Variants in GRID2 observed in about 807,000 individuals in gnomAD.
GRID2 encodes the protein glutamate receptor ionotropic, delta-2.
GRID2 carries 33 observed loss-of-function variants against 114.8 expected under a neutral mutation model. The ratio of observed to expected loss-of-function variants is 0.29; its 90% confidence interval spans 0.22 to 0.38. The LOEUF is 0.38. GRID2 is among the 10% of genes least tolerant of loss of function. The probability of loss-of-function intolerance (pLI) is 1.00; values close to 1 mark genes in which losing one functional copy is unlikely to be tolerated. For missense variants in GRID2, 1,184 were observed against 1,257.7 expected, an observed-to-expected ratio of 0.94 and a Z score of 0.89; for synonymous variants, 505 against 449.9, an observed-to-expected ratio of 1.12 and a Z score of -1.55.
intron 11 of GRID2, among the ~76,000 whole-genome samples, chr4:93,457,159 G>C (rs1723285577): frequency 6.6e-6 from 1 of 152,102 alleles, no homozygotes; most frequent in Non-Finnish European, 1.5e-5. Context: ...TTACAATTGT[G>C]GGTAGAAAGT....
At chr4:93,251,349 T>G (rs1011044505) in intron 8 of GRID2, among the ~76,000 whole-genome samples, 1 of 152,244 alleles carries the variant, frequency 6.6e-6, no homozygotes, top group Admixed American at 6.5e-5. Context: ...TGCACAAAAA[T>G]TTTTGAAGCT....
intron 1 of GRID2, among the ~76,000 whole-genome samples, chr4:92,404,229 T>C (rs907802183): frequency 6.6e-6 from 1 of 152,116 alleles, no homozygotes; most frequent in Non-Finnish European, 1.5e-5. Context: ...CAAAAAGAAA[T>C]TAAGAGTTAG....
intron 13 of GRID2, among the ~76,000 whole-genome samples, chr4:93,599,684 G>A (rs1739473950): frequency 6.6e-6 from 1 of 152,076 alleles, no homozygotes; most frequent in African/African-American, 2.4e-5. Flanking sequence ...TTTCACAAAA[G>A]CAGCCAGAAC....
intron 2 of GRID2, among the ~76,000 whole-genome samples, chr4:92,688,535 A>T (rs1387788175): frequency 6.6e-6 from 1 of 152,198 alleles, no homozygotes; most frequent in Non-Finnish European, 1.5e-5. Context: ...CCAAAAATAG[A>T]TTCCACATCA....
At chr4:92,926,935 G>C (rs1749853070) in intron 2 of GRID2, among the ~76,000 whole-genome samples, 1 of 151,844 alleles carries the variant, frequency 6.6e-6, no homozygotes, top group Admixed American at 6.6e-5. Flanking sequence ...ACTCTCAACT[G>C]TTGCACTGGG....
At chr4:92,831,347 T>C (rs1488529038) in intron 2 of GRID2, among the ~76,000 whole-genome samples, 1 of 152,152 alleles carries the variant, frequency 6.6e-6, no homozygotes, top group African/African-American at 2.4e-5. Context: ...ATGGCTGGTC[T>C]GAGAGATGTC....
At chr4:92,943,996 T>TG (rs970658276) in intron 2 of GRID2, among the ~76,000 whole-genome samples, 1 of 152,136 alleles carries the variant, frequency 6.6e-6, no homozygotes, top group Non-Finnish European at 1.5e-5. Flanking sequence ...CTGCCCCTAC[T>TG]GGGGGGTGCC....
intron 2 of GRID2, among the ~76,000 whole-genome samples, chr4:92,787,179 G>A (rs967175071): frequency 1.3e-5 from 2 of 151,840 alleles, no homozygotes; most frequent in African/African-American, 4.8e-5. Flanking sequence ...TGTGGATAGT[G>A]TTCTAAGTTA....
rs188451430 is a variant in GRID2, at chr4:93,679,707, T to G, written c.2360+53272T>G. On this transcript the variant is annotated intron_variant, in intron 14 of 15. Transcript: ENST00000282020. ...GTACATAACAAAATGAAGGCAGAAA[T>G]AAAGATGTTCTTGGAAACCAACGAG... Among the ~76,000 whole-genome samples the G allele has an allele frequency of 4.0e-3, 603 of 150,792 alleles. 43 individuals are homozygous for G. Among genetic ancestry groups the G allele is most frequent in the African/African-American group, 0.014 (580 of 40,644 alleles).
chr4:92,524,608 G>A (rs867055672), intron 1 of GRID2, among the ~76,000 whole-genome samples: 2 of 151,538 alleles, frequency 1.3e-5, no homozygotes, highest in African/African-American at 4.9e-5. Context: ...AAAATCCAGG[G>A]TACTTTCCCT....
At chr4:93,545,250 T>C (rs1282552423) in intron 13 of GRID2, among the ~76,000 whole-genome samples, 1 of 151,990 alleles carries the variant, frequency 6.6e-6, no homozygotes, top group Non-Finnish European at 1.5e-5. Context: ...AAGAAGGAAA[T>C]AGAAATTTTA....
intron 2 of GRID2, among the ~76,000 whole-genome samples, chr4:92,731,700 G>A (rs913991279): frequency 6.6e-5 from 10 of 151,826 alleles, no homozygotes; most frequent in African/African-American, 1.2e-4. Flanking sequence ...ATTAAATTGA[G>A]TAACTTTAGG....
chr4:92,510,104 A>G (rs978991946), intron 1 of GRID2, among the ~76,000 whole-genome samples: 1 of 151,944 alleles, frequency 6.6e-6, no homozygotes, highest in Non-Finnish European at 1.5e-5. Flanking sequence ...AACAGCTACA[A>G]TAATCTGAGA....
chr4:92,466,797 A>G (rs2149092316), intron 1 of GRID2, among the ~76,000 whole-genome samples: 2 of 151,874 alleles, frequency 1.3e-5, no homozygotes, highest in East Asian at 3.9e-4. Flanking sequence ...ATGAATATAT[A>G]TCTACCTAAA....
chr4:92,959,416 A>G (rs2149150174), intron 2 of GRID2, among the ~76,000 whole-genome samples: 1 of 150,942 alleles, frequency 6.6e-6, no homozygotes, highest in South Asian at 2.1e-4. Context: ...TTTTTTTTTT[A>G]ATTTTCTGTT....
chr4:93,386,754 T>G (rs1579911960), intron 8 of GRID2, among the ~76,000 whole-genome samples: 1 of 151,954 alleles, frequency 6.6e-6, no homozygotes, highest in Admixed American at 6.6e-5. Context: ...AAGGGGAAGA[T>G]CTAGGAATGG....
intron 1 of GRID2, among the ~76,000 whole-genome samples, chr4:92,542,388 G>T (rs1726010456): frequency 6.6e-6 from 1 of 152,098 alleles, no homozygotes; most frequent in Non-Finnish European, 1.5e-5. Flanking sequence ...CTTCACAGAG[G>T]TGTTGAAAAG....
chr4:92,912,120 TGAA>T (rs1483215209), intron 2 of GRID2, among the ~76,000 whole-genome samples: 4 of 152,008 alleles, frequency 2.6e-5, no homozygotes, highest in Non-Finnish European at 2.9e-5. Context: ...AACACTTTCT[TGAA>T]GAAGTTTTAT....
At chr4:93,800,979 G>A (rs986570086) in intron 1 of GRID2, among the ~76,000 whole-genome samples, 1 of 152,072 alleles carries the variant, frequency 6.6e-6, no homozygotes, top group African/African-American at 2.4e-5. Context: ...GCACAAAAAC[G>A]TAATTAGTGC....
Sources: gnomAD v4.1 joint callset for allele counts (sites outside exome capture counted in the v4.1 genomes callset) on GRCh38, gnomAD v4.1.1 for gene constraint, MANE v1.5 for transcripts, NCBI Gene and HGNC (gene_info 2026-07-23, HGNC 2026-07-21) for gene names.